Variants in DDX31 observed in about 807,000 individuals in gnomAD.
The protein encoded by DDX31 is ATP-dependent DNA helicase DDX31.
Under a neutral mutation model 91.3 loss-of-function variants are expected in DDX31, and 70 were observed. The ratio of observed to expected loss-of-function variants is 0.77; its 90% CI spans 0.63 to 0.94. The LOEUF is 0.94. Among genes scored for constraint, DDX31 ranks in the 40% least tolerant of loss-of-function variants. The pLI, the probability that DDX31 is intolerant of heterozygous loss-of-function variation, is 0.00. For synonymous variants in DDX31, 362 were observed against 350.6 expected, an observed-to-expected ratio of 1.03 and a Z score of -0.36; for missense variants, 902 against 925.0, an observed-to-expected ratio of 0.98 and a Z score of 0.32.
rs547142023 is a variant in DDX31 at position 132,665,726 on chromosome 9, T to C, written c.76-3031A>G. Among the ~76,000 whole-genome samples, 435 of 152,346 alleles carry C rather than the reference T, an allele frequency of 2.9e-3. 1 individual carries two copies. The highest frequency in any genetic ancestry group is 9.5e-3 in the African/African-American group (393 of 41,578). On this transcript the variant is annotated intron_variant, in intron 1 of 19. Transcript: ENST00000372159. ...CCCATCAAGACCTGAGAGTCTAAGATGCCATGGCTTTGATATTAATAAACA... is the reference window on the plus strand; with the variant it reads ...CCCATCAAGACCTGAGAGTCTAAGACGCCATGGCTTTGATATTAATAAACA...
chr9:132,663,402 G>C (rs187257933), intron 1 of DDX31: 9 of 985,202 alleles, frequency 9.1e-6, no homozygotes, highest in Non-Finnish European at 9.6e-6. Context: ...CTGAGTCCCC[G>C]AGTCTCTGCC....
intron 1 of DDX31, among the ~76,000 whole-genome samples, chr9:132,664,939 G>A (rs1368103055): frequency 6.6e-6 from 1 of 152,098 alleles, no homozygotes; most frequent in African/African-American, 2.4e-5. Flanking sequence ...TTCAGATGGA[G>A]GCTGACCAAC....
At chr9:132,637,167 T>G (rs1833169409) in intron 14 of DDX31, among the ~76,000 whole-genome samples, 1 of 151,776 alleles carries the variant, frequency 6.6e-6, no homozygotes, top group African/African-American at 2.4e-5. Context: ...CAGGGAGAGG[T>G]CCCAGGGAAA....
At chr9:132,667,882 G>A (rs747427553) in intron 1 of DDX31, among the ~76,000 whole-genome samples, 1 of 152,174 alleles carries the variant, frequency 6.6e-6, no homozygotes, top group Non-Finnish European at 1.5e-5. Flanking sequence ...ACAACGTATA[G>A]TCTTCATGTA....
intron 4 of DDX31, among the ~76,000 whole-genome samples, chr9:132,660,106 T>C (rs1441179571): frequency 6.6e-6 from 1 of 151,930 alleles, no homozygotes; most frequent in Non-Finnish European, 1.5e-5. Flanking sequence ...GAAGCTGAGG[T>C]GGGTGGATCA....
chr9:132,662,355 A>C lies in DDX31; in HGVS notation c.333-19T>G, dbSNP rs1455605933. 6.2e-7 allele frequency: 1 copy of C among 1,614,200 alleles called. No homozygotes were observed. The highest frequency in any genetic ancestry group is 1.3e-5 in the African/African-American group (1 of 75,048). ...CACAGGTCTGCAAATGATGAACAAG[A>C]ACCCAGGCATCAGTGCCAATATTAA... On this transcript the variant is annotated intron_variant, in intron 2 of 19. Coordinates refer to ENST00000372159, the MANE Select transcript of DDX31 (RefSeq NM_022779.9).
chr9:132,647,040 T>C lies in DDX31; in HGVS notation c.986A>G (p.Asp329Gly). The change falls in exon 12 of 20, where the codon GAT (aspartate) becomes GGT (glycine). Residue 329 changes from aspartate (D) to glycine (G), a missense_variant. Physicochemically the swap from Asp to Gly is moderately conservative, Grantham distance 94. Coordinates refer to ENST00000372159, the MANE Select transcript of DDX31 (RefSeq NM_022779.9). Reference sequence around the variant, plus strand: ...ACTGACTGGATCATGCAAACTGATATCAGCTAGCCGCGTTACACCTTGGAT... The same window carrying C: ...ACTGACTGGATCATGCAAACTGATACCAGCTAGCCGCGTTACACCTTGGAT... ...TLTEGVTRLADISLHDPVSIS... is the reference protein window; with the variant it reads ...TLTEGVTRLAGISLHDPVSIS... The C allele has an allele frequency of 6.2e-7, 1 of 1,613,314 alleles. No individual in the cohort carries two copies. The highest frequency in any genetic ancestry group is 8.5e-7 in the Non-Finnish European group (1 of 1,179,800).
At chr9:132,618,248 G>A (rs1344725608) in intron 18 of DDX31, 82 bp downstream of exon 18, 41 of 1,213,904 alleles carry the variant, frequency 3.4e-5, no homozygotes, top group East Asian at 2.3e-4. Flanking sequence ...CCTCTCAACC[G>A]GTTTGGGGGT....
At chr9:132,663,515 T>G (rs1048006047) in intron 1 of DDX31, 1 of 985,360 alleles carries the variant, frequency 1.0e-6, no homozygotes, top group Non-Finnish European at 1.2e-6. Flanking sequence ...AAACTTCCCC[T>G]AGGAGAAGGA....
chr9:132,646,760 G>C, intron 12 of DDX31, 63 bp downstream of exon 12: 2 of 1,534,170 alleles, frequency 1.3e-6, no homozygotes, highest in Non-Finnish European at 1.8e-6. Context: ...GCTCCCAATG[G>C]CTTAACACAA....
intron 19 of DDX31, among the ~76,000 whole-genome samples, chr9:132,600,223 T>A (rs1275813184): frequency 1.3e-5 from 2 of 152,260 alleles, no homozygotes; most frequent in Non-Finnish European, 1.5e-5. Context: ...AACCTCTGGG[T>A]TCTGTTCTGG....
intron 18 of DDX31, among the ~76,000 whole-genome samples, chr9:132,614,865 T>C (rs1362940073): frequency 6.6e-6 from 1 of 152,190 alleles, no homozygotes; most frequent in Non-Finnish European, 1.5e-5. Context: ...GGCTCCTGTC[T>C]CACCGGGGAC....
chr9:132,652,746 G>C (rs1035347321), intron 6 of DDX31, among the ~76,000 whole-genome samples: 1 of 152,032 alleles, frequency 6.6e-6, no homozygotes, highest in Non-Finnish European at 1.5e-5. Flanking sequence ...ATTGAATCAG[G>C]GGGGCCGGTT....
rs201485499 is a variant in DDX31, at chr9:132,661,261, G to A, written c.409-10C>T. On this transcript the variant is annotated splice_polypyrimidine_tract_variant and intron_variant, in intron 3 of 19. Coordinates refer to ENST00000372159, the MANE Select transcript of DDX31 (RefSeq NM_022779.9). ...TATTTATTGTGGAAATCTAAAAGAG[G>A]AGATGAAAAAGCTTTAATTAATATT... 5.7e-6 allele frequency: 9 copies of A among 1,588,536 alleles called. No homozygotes were observed. Among genetic ancestry groups the A allele is most frequent in the Non-Finnish European group, 7.7e-6 (9 of 1,162,976 alleles).
At position 132,638,548 on chromosome 9, in the gene DDX31, T is replaced by A. The variant is rs139140678; in HGVS notation, c.1440+3456A>T. Among the ~76,000 whole-genome samples, 73 of 152,316 alleles carry A rather than the reference T, an allele frequency of 4.8e-4. 2 individuals carry two copies. The East Asian group carries it at 0.013, about 27-fold the overall frequency. On this transcript the variant is annotated intron_variant, in intron 14 of 19. Transcript: ENST00000372159. ...GTTTTCCAGAAGACACGAAATTACA[T>A]TGTGAATGTGTGAGGACTCCTCGTC...
rs778117376 is a variant in DDX31 at position 132,658,644 on chromosome 9, T to C, written c.588+27A>G. 17 of 1,606,398 alleles carry C rather than the reference T, an allele frequency of 1.1e-5. No homozygotes were observed. In the East Asian group the frequency reaches 3.6e-4, roughly 34 times the overall value. On this transcript the variant is annotated intron_variant, in intron 6 of 19. Transcript: ENST00000372159. ...ATGGTTGCTTATGCACTATGAGCAA[T>C]GACAGAAAAACACATTTGATACACA...
intron 14 of DDX31, among the ~76,000 whole-genome samples, chr9:132,637,646 T>C (rs371079644): frequency 2.6e-5 from 4 of 152,202 alleles, no homozygotes; most frequent in Admixed American, 6.5e-5. Flanking sequence ...CAGGCCCCCG[T>C]TGTCCGGGTG....
intron 6 of DDX31, 69 bp from the exon 7 acceptor site, chr9:132,652,561 CAG>C: frequency 4.4e-6 from 7 of 1,586,478 alleles, no homozygotes; most frequent in Non-Finnish European, 5.2e-6. Flanking sequence ...GGACAGGACA[CAG>C]GGGTGGCCGG....
chr9:132,604,878 A>G (rs1830925675), intron 19 of DDX31, among the ~76,000 whole-genome samples: 2 of 152,072 alleles, frequency 1.3e-5, no homozygotes, highest in Non-Finnish European at 2.9e-5. Context: ...CCCACTCCTG[A>G]GCCTGCTCAT....
Sources: gnomAD v4.1 joint callset for allele counts (sites outside exome capture counted in the v4.1 genomes callset) on GRCh38, gnomAD v4.1.1 for gene constraint, MANE v1.5 for transcripts, NCBI Gene and HGNC (gene_info 2026-07-23, HGNC 2026-07-21) for gene names.